Variants in PDE10A observed in about 807,000 individuals in gnomAD.
PDE10A encodes phosphodiesterase 10A.
In PDE10A, 39 loss-of-function variants were observed where a neutral mutation model predicts 97.7. The observed-to-expected ratio is 0.40, with a 90% CI of 0.31 to 0.52. PDE10A has a LOEUF of 0.52. Among genes scored for constraint, PDE10A ranks in the 20% least tolerant of loss-of-function variants. The pLI is 0.56. For missense variants in PDE10A, 731 were observed against 1,047.8 expected, an observed-to-expected ratio of 0.70 and a Z score of 4.17; for synonymous variants, 371 against 376.8, an observed-to-expected ratio of 0.98 and a Z score of 0.18.
intron 18 of PDE10A, among the ~76,000 whole-genome samples, chr6:165,368,160 T>C (rs1258197082): frequency 1.3e-5 from 2 of 152,130 alleles, no homozygotes; most frequent in South Asian, 4.1e-4. Context: ...CACACCTGGC[T>C]AATTTTTGTA....
chr6:165,976,125 G>A lies in PDE10A; in HGVS notation c.-615+11404C>T, dbSNP rs139930203. Among the ~76,000 whole-genome samples the A allele has an allele frequency of 2.0e-3, 300 of 152,272 alleles. 2 individuals carry two copies. The highest frequency in any genetic ancestry group is 6.8e-3 in the African/African-American group (284 of 41,548). ...TGTCAGTTAGGTATAGATTTTTCTT[G>A]TATGCCATGACAAATTTATCTTCTC... On this transcript the variant is annotated intron_variant, in intron 1 of 19. Transcript: ENST00000366882.
At chr6:165,573,222 G>A (rs1012084950) in intron 1 of PDE10A, among the ~76,000 whole-genome samples, 8 of 150,600 alleles carry the variant, frequency 5.3e-5, no homozygotes, top group African/African-American at 9.8e-5. Context: ...AATGTACTGC[G>A]CAGACTTTTC....
intron 2 of PDE10A, among the ~76,000 whole-genome samples, chr6:165,507,902 T>G (rs1781292898): frequency 1.3e-5 from 2 of 152,110 alleles, no homozygotes. Flanking sequence ...TCTTAAGACT[T>G]CAAATAAACC....
intron 17 of PDE10A, among the ~76,000 whole-genome samples, chr6:165,384,652 GTGTGTGTGTGTGTGTGTAT>G (rs2128210366): frequency 3.7e-5 from 2 of 53,338 alleles, no homozygotes; most frequent in South Asian, 4.8e-4. Flanking sequence ...GTGTGTGTGT[GTGTGTGTGTGTGTGTGTAT>G]GGGGGGGGGC....
intron 2 of PDE10A, among the ~76,000 whole-genome samples, chr6:165,541,471 A>G (rs1051280696): frequency 6.6e-6 from 1 of 152,212 alleles, no homozygotes; most frequent in Non-Finnish European, 1.5e-5. Context: ...GAAATGACAC[A>G]CTGACAATGT....
At chr6:165,341,024 T>G (rs1781941472) in intron 19 of PDE10A, among the ~76,000 whole-genome samples, 1 of 152,248 alleles carries the variant, frequency 6.6e-6, no homozygotes, top group Non-Finnish European at 1.5e-5. Context: ...TTAATTACTT[T>G]TGCACAAATT....
At chr6:165,833,789 A>G (rs3931253) in intron 1 of PDE10A, among the ~76,000 whole-genome samples, 9,223 of 152,314 alleles carry the variant, frequency 0.061, 347 homozygotes, top group South Asian at 0.13. Flanking sequence ...TCCAGGTAAG[A>G]GTTGATAAAG....
chr6:165,623,959 T>C (rs537531983), intron 1 of PDE10A, among the ~76,000 whole-genome samples: 12 of 152,342 alleles, frequency 7.9e-5, no homozygotes, highest in Non-Finnish European at 1.5e-5. Context: ...TCCATGAGGA[T>C]TTCCTGCTCC....
At chr6:165,422,284 C>CACACATACACACAT (rs1554259648) in intron 10 of PDE10A, among the ~76,000 whole-genome samples, 3 of 142,400 alleles carry the variant, frequency 2.1e-5, no homozygotes, top group South Asian at 2.3e-4. Context: ...CATACACACA[C>CACACATACACACAT]ACGCATACAC....
intron 1 of PDE10A, among the ~76,000 whole-genome samples, chr6:165,959,158 T>C (rs535514620): frequency 6.6e-6 from 1 of 152,280 alleles, no homozygotes; most frequent in East Asian, 1.9e-4. Context: ...TACATATATA[T>C]TAGAGTGAAA....
At chr6:165,777,022 G>C (rs1447401052) in intron 1 of PDE10A, among the ~76,000 whole-genome samples, 1 of 152,208 alleles carries the variant, frequency 6.6e-6, no homozygotes, top group Non-Finnish European at 1.5e-5. Flanking sequence ...TGAGGAGGAG[G>C]GAATTGTAAA....
chr6:165,893,053 C>G (rs1041018548), intron 1 of PDE10A, among the ~76,000 whole-genome samples: 3 of 152,162 alleles, frequency 2.0e-5, no homozygotes, highest in African/African-American at 7.2e-5. Flanking sequence ...GTGGAATAGA[C>G]AGATGCATGA....
chr6:165,582,565 G>A (rs1190819847), intron 1 of PDE10A, among the ~76,000 whole-genome samples: 1 of 149,698 alleles, frequency 6.7e-6, no homozygotes, highest in Non-Finnish European at 1.5e-5. Flanking sequence ...TTAAGTGGAA[G>A]ACTGTTAAGA....
intron 1 of PDE10A, among the ~76,000 whole-genome samples, chr6:165,704,712 CT>C (rs1791665027): frequency 6.6e-6 from 1 of 152,190 alleles, no homozygotes; most frequent in South Asian, 2.1e-4. Context: ...GGAACTATCT[CT>C]TTTTGTGGAT....
At chr6:165,548,531 G>A (rs530004440) in intron 1 of PDE10A, among the ~76,000 whole-genome samples, 15 of 151,984 alleles carry the variant, frequency 9.9e-5, no homozygotes, top group Non-Finnish European at 1.5e-4. Context: ...ATGTTCCTCC[G>A]CTCTCTGCAT....
At chr6:165,384,372 C>T (rs987197453) in intron 17 of PDE10A, among the ~76,000 whole-genome samples, 6 of 152,144 alleles carry the variant, frequency 3.9e-5, no homozygotes, top group East Asian at 3.9e-4. Flanking sequence ...GGGCCCCAAA[C>T]ACCATGAAAA....
intron 1 of PDE10A, among the ~76,000 whole-genome samples, chr6:165,925,934 C>T (rs9348054): frequency 0.21 from 31,895 of 152,114 alleles, 3,584 homozygotes; most frequent in East Asian, 0.27. Context: ...ATGTTGATTA[C>T]CATAGCAGAC....
At chr6:165,351,600 A>G (rs1782698342) in intron 18 of PDE10A, among the ~76,000 whole-genome samples, 1 of 152,166 alleles carries the variant, frequency 6.6e-6, no homozygotes, top group African/African-American at 2.4e-5. Context: ...AGTTATCCAT[A>G]CCTCTGGGCC....
intron 3 of PDE10A, among the ~76,000 whole-genome samples, chr6:165,475,864 C>G (rs956830141): frequency 2.0e-5 from 3 of 152,110 alleles, no homozygotes; most frequent in Admixed American, 2.0e-4. Context: ...TGGATTCCAG[C>G]GCATCAATTT....
Sources: allele counts gnomAD v4.1 joint callset (sites outside exome capture counted in the v4.1 genomes callset), GRCh38; gene constraint gnomAD v4.1.1; transcripts MANE v1.5; gene names NCBI Gene and HGNC (gene_info 2026-07-23, HGNC 2026-07-21).